The following ANKFN1 variants were observed in gnomAD, a reference collection of about 807,000 sequenced individuals.
The protein encoded by ANKFN1 is ankyrin repeat and fibronectin type-III domain-containing protein 1.
ANKFN1 carries 74 observed loss-of-function variants against 108.7 expected under a neutral mutation model. The observed-to-expected ratio is 0.68, with a 90% CI of 0.56 to 0.83. The LOEUF (loss-of-function observed/expected upper bound fraction) is 0.83, where lower values mean the gene tolerates loss of function less well. Ranked by LOEUF, ANKFN1 falls within the 40% of genes least tolerant of loss-of-function variation. ANKFN1 has a pLI of 0.00. For missense variants in ANKFN1, 1,505 were observed against 1,382.3 expected (o/e 1.09, Z -1.41); for synonymous variants, 547 against 516.2 (o/e 1.06, Z -0.81).
rs1394606750 is a variant in ANKFN1 at position 56,326,218 on chromosome 17, C to T, written c.54-3C>T. On this transcript the variant is annotated splice_polypyrimidine_tract_variant and splice_region_variant and intron_variant, in intron 3 of 20. Coordinates refer to ENST00000682825, the MANE Select transcript of ANKFN1 (RefSeq NM_001370326.1). ...TCCTGTTCGCATTTTATTCTTTACACAGAATAGGAAGGAGATTCGCTTGCT... is the reference window on the plus strand; with the variant it reads ...TCCTGTTCGCATTTTATTCTTTACATAGAATAGGAAGGAGATTCGCTTGCT... 12 of 1,608,622 alleles carry T rather than the reference C, an allele frequency of 7.5e-6. No homozygotes were observed. The highest frequency in any genetic ancestry group is 4.5e-5 in the East Asian group (2 of 44,818).
At chr17:56,153,199 C>T (rs776312213), upstream of ANKFN1, among the ~76,000 whole-genome samples, 8 of 152,180 alleles carry the variant, frequency 5.3e-5, no homozygotes, top group Admixed American at 3.3e-4. Flanking sequence ...CAAATCTGAT[C>T]GCAGCATTAT....
At chr17:56,275,220 A>C (rs1248109410) in intron 3 of ANKFN1, among the ~76,000 whole-genome samples, 1 of 152,182 alleles carries the variant, frequency 6.6e-6, no homozygotes, top group Non-Finnish European at 1.5e-5. Context: ...TAAATTAAGA[A>C]AGGCCATTCT....
At chr17:56,081,737 A>G (rs974493990) in intron 4 of ANKFN1, among the ~76,000 whole-genome samples, 1 of 152,144 alleles carries the variant, frequency 6.6e-6, no homozygotes, top group African/African-American at 2.4e-5. Context: ...AGCTGCCTGC[A>G]TGCTTGGTGG....
intron 4 of ANKFN1, among the ~76,000 whole-genome samples, chr17:56,052,880 A>G (rs551375163): frequency 1.4e-4 from 22 of 152,328 alleles, no homozygotes; most frequent in Admixed American, 7.8e-4. Flanking sequence ...AAAGGGTCTC[A>G]TGCCACTTGA....
At chr17:56,457,043 AT>A in intron 12 of ANKFN1, 83 bp downstream of exon 12, 6 of 1,346,552 alleles carry the variant, frequency 4.5e-6, no homozygotes, top group Non-Finnish European at 6.2e-6. Flanking sequence ...CTTGGTAGAA[AT>A]TTTTTTGTGT....
intron 16 of ANKFN1, among the ~76,000 whole-genome samples, 199 bp downstream of exon 16, chr17:56,477,853 G>A (rs2050559364): frequency 6.6e-6 from 1 of 151,932 alleles, no homozygotes; most frequent in Non-Finnish European, 1.5e-5. Context: ...TTGAGACGGA[G>A]TTTCACTCTT....
intron 2 of ANKFN1, among the ~76,000 whole-genome samples, chr17:56,218,174 C>T (rs1011270929): frequency 4.6e-5 from 7 of 151,646 alleles, no homozygotes; most frequent in African/African-American, 1.7e-4. Context: ...CCTGTTTCTC[C>T]TTAGCCCCTT....
intron 15 of ANKFN1, chr17:56,471,657 G>T (rs566515783): frequency 6.6e-6 from 1 of 152,134 alleles, no homozygotes. Flanking sequence ...AACAACTGAC[G>T]AATGGGTAAA....
chr17:56,413,382 G>C (rs1288377331), intron 8 of ANKFN1, among the ~76,000 whole-genome samples: 2 of 152,162 alleles, frequency 1.3e-5, no homozygotes, highest in Non-Finnish European at 2.9e-5. Flanking sequence ...GGGACAGTTT[G>C]ACTTCCTCTC....
At chr17:56,232,831 T>C (rs561191622) in intron 3 of ANKFN1, among the ~76,000 whole-genome samples, 29 of 152,288 alleles carry the variant, frequency 1.9e-4, no homozygotes, top group African/African-American at 6.7e-4. Context: ...GGCTGATATC[T>C]GTGCCCTGTA....
intron 11 of ANKFN1, among the ~76,000 whole-genome samples, chr17:56,456,599 T>C (rs957604162): frequency 6.6e-6 from 1 of 151,926 alleles, no homozygotes; most frequent in Non-Finnish European, 1.5e-5. Flanking sequence ...GGTTTCACCA[T>C]GTTGGTCAGG....
intron 8 of ANKFN1, among the ~76,000 whole-genome samples, chr17:56,404,473 G>A (rs922410305): frequency 1.3e-5 from 2 of 152,072 alleles, no homozygotes; most frequent in East Asian, 3.9e-4. Context: ...AGAGCATTTT[G>A]CATTTCTAAA....
chr17:56,408,328 T>C (rs1380646685), intron 8 of ANKFN1, among the ~76,000 whole-genome samples: 1 of 152,246 alleles, frequency 6.6e-6, no homozygotes, highest in Non-Finnish European at 1.5e-5. Context: ...ATACACATTT[T>C]ATCTTCCTAT....
At chr17:56,111,050 A>C (rs1905931533) in intron 4 of ANKFN1, 1 of 152,374 alleles carries the variant, frequency 6.6e-6, no homozygotes, top group African/African-American at 2.4e-5. Flanking sequence ...CCAGGTGGTA[A>C]GTCTGCCCTT....
chr17:56,120,578 C>T lies in ANKFN1; in HGVS notation c.288+74253C>T, dbSNP rs542257949. Among the ~76,000 whole-genome samples the T allele has an allele frequency of 5.3e-5, 8 of 152,172 alleles. 1 individual carries two copies. The South Asian group carries it at 1.2e-3, about 24-fold the overall frequency. On this transcript the variant is annotated intron_variant, in intron 4 of 12. Coordinates refer to the ANKFN1 transcript ENST00000635860. Reference sequence around the variant, plus strand: ...GGAAAAATGCCCACCTGATTACTGCCGCCTCCTCTGGACAAAGCTTGGACA... The same window carrying T: ...GGAAAAATGCCCACCTGATTACTGCTGCCTCCTCTGGACAAAGCTTGGACA...
intron 15 of ANKFN1, among the ~76,000 whole-genome samples, chr17:56,474,028 A>T (rs1237343778): frequency 6.6e-6 from 1 of 152,188 alleles, no homozygotes; most frequent in Non-Finnish European, 1.5e-5. Context: ...CGTAATTATC[A>T]TAGCCTTATT....
intron 4 of ANKFN1, among the ~76,000 whole-genome samples, chr17:56,098,515 G>A (rs896469484): frequency 6.6e-6 from 1 of 151,924 alleles, no homozygotes; most frequent in African/African-American, 2.4e-5. Context: ...TCTCTGACAC[G>A]TGATATACTT....
At chr17:56,139,617 T>C (rs1194000438) in intron 4 of ANKFN1, among the ~76,000 whole-genome samples, 2 of 152,118 alleles carry the variant, frequency 1.3e-5, no homozygotes, top group African/African-American at 4.8e-5. Context: ...TTTAAAACCA[T>C]TCTATATCAG....
rs566109165 is a variant in ANKFN1, at chr17:56,363,178, C to T, written c.601+9132C>T. ...GGCACAGGTTGCAATGGGCCGAGAT[C>T]GCACCACAGCACTCCAGCCTGGGGA... On this transcript the variant is annotated intron_variant, in intron 6 of 20. Transcript: ENST00000682825. 9.5e-4 allele frequency among the ~76,000 whole-genome samples: 145 copies of T among 152,004 alleles called. 1 individual carries two copies. Among genetic ancestry groups the T allele is most frequent in the African/African-American group, 3.1e-3 (128 of 41,464 alleles).
Sources: gnomAD v4.1 joint callset for allele counts (sites outside exome capture counted in the v4.1 genomes callset) on GRCh38, gnomAD v4.1.1 for gene constraint, MANE v1.5 for transcripts, NCBI Gene and HGNC (gene_info 2026-07-23, HGNC 2026-07-21) for gene names.